Variants in MAF observed in about 807,000 individuals in gnomAD.
The protein encoded by MAF is MAF bZIP transcription factor.
In MAF, 10 loss-of-function variants were observed where a neutral mutation model predicts 22.0. The observed-to-expected ratio is 0.45, with a 90% CI of 0.28 to 0.77. MAF has a LOEUF of 0.77. Among genes scored for constraint, MAF ranks in the 30% least tolerant of loss-of-function variants. The probability of loss-of-function intolerance (pLI) is 0.12; values close to 1 mark genes in which losing one functional copy is unlikely to be tolerated. For synonymous variants in MAF, 337 were observed against 255.8 expected, an observed-to-expected ratio of 1.32 and a Z score of -3.03; for missense variants, 544 against 548.4, an observed-to-expected ratio of 0.99 and a Z score of 0.08.
the MAF span, among the ~76,000 whole-genome samples, chr16:79,251,019 T>G: frequency 6.6e-6 from 1 of 152,178 alleles, no homozygotes; most frequent in Admixed American, 6.5e-5. Context: ...CCTGCTACAT[T>G]TTATTAGGAC....
the MAF span, among the ~76,000 whole-genome samples, chr16:79,295,747 T>C: frequency 2.0e-5 from 3 of 152,344 alleles, no homozygotes; most frequent in East Asian, 3.9e-4. Flanking sequence ...ACTGGGGGCT[T>C]CCCTGTGTGT....
Position 79,600,088 on chromosome 16 carries a change from C to A in MAF, c.-186G>T. Reference sequence around the variant, plus strand: ...CACACACACACCCCCCCGCCCTGCCCGCGCCCCCCGCGCCCGCCCTCCCTC... The same window carrying A: ...CACACACACACCCCCCCGCCCTGCCAGCGCCCCCCGCGCCCGCCCTCCCTC... On this transcript the variant is annotated 5_prime_UTR_variant, in exon 1 of 2. Coordinates refer to ENST00000326043, the MANE Select transcript of MAF (RefSeq NM_005360.5). 3.1e-6 allele frequency: 2 copies of A among 649,012 alleles called. No individual in the cohort carries two copies. The highest frequency in any genetic ancestry group is 4.9e-6 in the Non-Finnish European group (2 of 406,546). The allele number at this position is 649,012 out of a possible 1,614,324, so 40.2% of individuals were successfully genotyped here. A position where few individuals can be genotyped will look rare whatever the true frequency, so the allele number is the denominator to read the frequency against.
the MAF span, among the ~76,000 whole-genome samples, chr16:79,540,173 A>G: frequency 6.6e-6 from 1 of 151,872 alleles, no homozygotes; most frequent in East Asian, 1.9e-4. Flanking sequence ...CAGAGGCTGT[A>G]AAGGAATGAG....
the MAF span, among the ~76,000 whole-genome samples, chr16:79,525,820 A>C: frequency 6.6e-6 from 1 of 152,290 alleles, no homozygotes; most frequent in South Asian, 2.1e-4. Flanking sequence ...TCTAGTAGTA[A>C]CTTCAGGTTT....
chr16:79,385,830 C>G, the MAF span, among the ~76,000 whole-genome samples: 2 of 152,112 alleles, frequency 1.3e-5, no homozygotes, highest in African/African-American at 4.8e-5. Context: ...GAACCTGTGT[C>G]CAGAGGTTGG....
At chr16:79,258,430 C>T in the MAF span, among the ~76,000 whole-genome samples, 1 of 152,206 alleles carries the variant, frequency 6.6e-6, no homozygotes, top group African/African-American at 2.4e-5. Context: ...GCTGCATCAG[C>T]ACTGTTCCAG....
At chr16:79,583,609 G>A (rs753772795), downstream of MAF, among the ~76,000 whole-genome samples, 2 of 152,196 alleles carry the variant, frequency 1.3e-5, no homozygotes, top group East Asian at 1.9e-4. Context: ...CCATCCCCAC[G>A]TTCTGATCGG....
chr16:79,511,749 G>T, the MAF span, among the ~76,000 whole-genome samples: 1 of 152,212 alleles, frequency 6.6e-6, no homozygotes, highest in Non-Finnish European at 1.5e-5. Flanking sequence ...CCAGCTTACA[G>T]AGGATGAAAC....
At chr16:79,379,304 A>G in the MAF span, among the ~76,000 whole-genome samples, 1 of 152,192 alleles carries the variant, frequency 6.6e-6, no homozygotes. Flanking sequence ...TGATGCTGAA[A>G]TGGGAGCACT....
At chr16:79,369,950 T>A in the MAF span, among the ~76,000 whole-genome samples, 1 of 152,330 alleles carries the variant, frequency 6.6e-6, no homozygotes, top group East Asian at 1.9e-4. Context: ...AGAGGGCCTC[T>A]CCCAACCTTC....
chr16:79,478,436 A>G, the MAF span, among the ~76,000 whole-genome samples: 193 of 152,284 alleles, frequency 1.3e-3, no homozygotes, highest in Non-Finnish European at 2.4e-3. Flanking sequence ...ACAGTCATCC[A>G]TGGCTACCGG....
chr16:79,460,776 A>G, the MAF span, among the ~76,000 whole-genome samples: 1 of 152,052 alleles, frequency 6.6e-6, no homozygotes, highest in African/African-American at 2.4e-5. Flanking sequence ...ATTATAATAA[A>G]TTTTCTTCTA....
At chr16:79,252,760 G>A in the MAF span, among the ~76,000 whole-genome samples, 1 of 152,158 alleles carries the variant, frequency 6.6e-6, no homozygotes, top group Non-Finnish European at 1.5e-5. Context: ...AAAGTGCTGG[G>A]ATTACAGGTG....
chr16:79,546,797 A>G, the MAF span, among the ~76,000 whole-genome samples: 1 of 152,216 alleles, frequency 6.6e-6, no homozygotes. Flanking sequence ...AGGCACATAA[A>G]GAGTTTAACC....
the MAF span, among the ~76,000 whole-genome samples, chr16:79,257,261 A>T: frequency 6.6e-6 from 1 of 152,312 alleles, no homozygotes; most frequent in East Asian, 1.9e-4. Flanking sequence ...TAGTTAATAT[A>T]GTATTGTACC....
chr16:79,489,127 C>G, the MAF span, among the ~76,000 whole-genome samples: 1 of 152,022 alleles, frequency 6.6e-6, no homozygotes, highest in South Asian at 2.1e-4. Flanking sequence ...ACTTACCCAT[C>G]CATCCACTCA....
chr16:79,502,712 T>TAAATATAAATATATATATATATAA, the MAF span, among the ~76,000 whole-genome samples: 1 of 31,122 alleles, frequency 3.2e-5, no homozygotes, highest in African/African-American at 1.4e-4. Flanking sequence ...AATATAAATA[T>TAAATATAAATATATATATATATAA]ATATATATAT....
chr16:79,502,708 A>AATATATATATATATAT, the MAF span, among the ~76,000 whole-genome samples: 4 of 33,964 alleles, frequency 1.2e-4, no homozygotes, highest in Non-Finnish European at 2.2e-4. Context: ...TATAAATATA[A>AATATATATATATATAT]ATATATATAT....
chr16:79,503,449 C>A, the MAF span, among the ~76,000 whole-genome samples: 2 of 152,162 alleles, frequency 1.3e-5, no homozygotes, highest in South Asian at 2.1e-4. Context: ...ACATAAAATT[C>A]TTTAGGACTG....
Sources: allele counts gnomAD v4.1 joint callset (sites outside exome capture counted in the v4.1 genomes callset), GRCh38; gene constraint gnomAD v4.1.1; transcripts MANE v1.5; gene names NCBI Gene and HGNC (gene_info 2026-07-23, HGNC 2026-07-21).